PLGRKT: variants seen among roughly 807,000 people sequenced by gnomAD.
PLGRKT encodes plasminogen receptor (KT).
In PLGRKT, 22 loss-of-function variants were observed where a neutral mutation model predicts 18.5. That is an observed-to-expected ratio of 1.19 (90% CI 0.85 to 1.70). The LOEUF is 1.70. PLGRKT is among the 40% of genes most tolerant of loss of function. The pLI is 0.00. For synonymous variants in PLGRKT, 72 were observed against 52.8 expected, an observed-to-expected ratio of 1.36 and a Z score of -1.58; for missense variants, 235 against 174.4, an observed-to-expected ratio of 1.35 and a Z score of -1.96.
At chr9:5,421,578 G>C (rs1035644916) in intron 3 of PLGRKT, among the ~76,000 whole-genome samples, 1 of 152,168 alleles carries the variant, frequency 6.6e-6, no homozygotes, top group Non-Finnish European at 1.5e-5. Context: ...TAAACATTTG[G>C]TGAATGAATA....
intron 3 of PLGRKT, among the ~76,000 whole-genome samples, chr9:5,408,580 A>T (rs1818301525): frequency 6.6e-6 from 1 of 152,260 alleles, no homozygotes; most frequent in Non-Finnish European, 1.5e-5. Context: ...ATAAAAGTTT[A>T]CAAAATTTGT....
At chr9:5,427,073 G>A (rs1368785174) in intron 3 of PLGRKT, among the ~76,000 whole-genome samples, 1 of 152,150 alleles carries the variant, frequency 6.6e-6, no homozygotes, top group Non-Finnish European at 1.5e-5. Context: ...ACCTCAGTCT[G>A]AAAATATTAA....
At chr9:5,380,599 T>C (rs1263046499) in intron 3 of PLGRKT, among the ~76,000 whole-genome samples, 8 of 152,090 alleles carry the variant, frequency 5.3e-5, no homozygotes, top group Non-Finnish European at 1.0e-4. Flanking sequence ...CCCTTTTCCT[T>C]CCCTGTTTTA....
chr9:5,362,962 G>A (rs1307437473), intron 3 of PLGRKT, among the ~76,000 whole-genome samples: 1 of 152,118 alleles, frequency 6.6e-6, no homozygotes. Flanking sequence ...AGACCTTGCA[G>A]AGAGCACACC....
rs190309065 is a variant in PLGRKT, at chr9:5,432,732, G to A, written c.-6-749C>T. Among the ~76,000 whole-genome samples the A allele has an allele frequency of 3.1e-4, 47 of 152,302 alleles. No individual in the cohort carries two copies. The East Asian group carries it at 7.7e-3, about 25-fold the overall frequency. ...GGGCTGGTCTCGAGCTCCTGGCCTC[G>A]GGTGATCTGCCCGCCTCGGCCTCCC... On this transcript the variant is annotated intron_variant, in intron 2 of 5. Transcript: ENST00000223864.
At chr9:5,425,368 A>G (rs980465587) in intron 3 of PLGRKT, among the ~76,000 whole-genome samples, 1 of 152,216 alleles carries the variant, frequency 6.6e-6, no homozygotes, top group African/African-American at 2.4e-5. Context: ...AGTAGCATGA[A>G]TCCTCTCCAT....
At chr9:5,397,646 G>C (rs1258581593) in intron 3 of PLGRKT, among the ~76,000 whole-genome samples, 1 of 151,652 alleles carries the variant, frequency 6.6e-6, no homozygotes, top group Non-Finnish European at 1.5e-5. Context: ...AGGGAAGAAG[G>C]AAGCAAGCAA....
At chr9:5,390,757 G>C (rs1817935842) in intron 3 of PLGRKT, among the ~76,000 whole-genome samples, 1 of 151,788 alleles carries the variant, frequency 6.6e-6, no homozygotes, top group South Asian at 2.1e-4. Context: ...TAGGTAAAAA[G>C]GCAAACCCAG....
chr9:5,410,635 C>T (rs1342177011), intron 3 of PLGRKT, among the ~76,000 whole-genome samples: 1 of 152,066 alleles, frequency 6.6e-6, no homozygotes, highest in Non-Finnish European at 1.5e-5. Flanking sequence ...TTAGATTATG[C>T]TTCTCTATAA....
intron 3 of PLGRKT, among the ~76,000 whole-genome samples, chr9:5,371,576 C>T (rs971580347): frequency 1.3e-5 from 2 of 152,146 alleles, no homozygotes; most frequent in Non-Finnish European, 2.9e-5. Context: ...CCCAGCCATG[C>T]GGAACTGTAA....
chr9:5,426,062 C>G (rs1240451566), intron 3 of PLGRKT, among the ~76,000 whole-genome samples: 1 of 152,018 alleles, frequency 6.6e-6, no homozygotes, highest in African/African-American at 2.4e-5. Flanking sequence ...CTTTGAAGAC[C>G]CTAAAAAGAC....
At chr9:5,410,265 G>A (rs1005118048) in intron 3 of PLGRKT, among the ~76,000 whole-genome samples, 1 of 152,158 alleles carries the variant, frequency 6.6e-6, no homozygotes, top group Non-Finnish European at 1.5e-5. Context: ...GGTGGGCACA[G>A]TGGCTCATGC....
chr9:5,419,367 G>A (rs183080692), intron 3 of PLGRKT, among the ~76,000 whole-genome samples: 93 of 152,334 alleles, frequency 6.1e-4, no homozygotes, highest in Non-Finnish European at 2.6e-4. Context: ...TGGGAGGCAA[G>A]AGCCAGGAAG....
At chr9:5,377,404 A>G (rs1330672130) in intron 3 of PLGRKT, among the ~76,000 whole-genome samples, 1 of 152,170 alleles carries the variant, frequency 6.6e-6, no homozygotes, top group Non-Finnish European at 1.5e-5. Context: ...AATACATTAA[A>G]AAGGAAAAAT....
intron 3 of PLGRKT, among the ~76,000 whole-genome samples, chr9:5,400,041 C>G (rs1818127411): frequency 6.6e-6 from 1 of 151,710 alleles, no homozygotes; most frequent in South Asian, 2.1e-4. Context: ...CTAATCAGCT[C>G]TTAAGGTGGT....
chr9:5,378,848 G>A (rs1471804828), intron 3 of PLGRKT, among the ~76,000 whole-genome samples: 1 of 152,014 alleles, frequency 6.6e-6, no homozygotes, highest in Non-Finnish European at 1.5e-5. Context: ...TGATATTAAG[G>A]ATTAAGCAAT....
chr9:5,401,961 T>G (rs560158544), intron 3 of PLGRKT, among the ~76,000 whole-genome samples: 1,895 of 152,032 alleles, frequency 0.012, 73 homozygotes, highest in African/African-American at 0.044. Flanking sequence ...TGTGGATTTT[T>G]TTTTTCTAAT....
At position 5,418,276 on chromosome 9, in the gene PLGRKT, A is replaced by G; in HGVS notation, c.81+13621T>C. On this transcript the variant is annotated intron_variant, in intron 3 of 5. Transcript: ENST00000223864. This position sits in a 1 kb window ranked among gnomAD's most constrained non-coding sequence, Gnocchi z 4.2. ...GGCCAGCTCTCAGCACCAAATGGTCAGTGTCGCCCCCTCATCTTCTCACTG... is the reference window on the plus strand; with the variant it reads ...GGCCAGCTCTCAGCACCAAATGGTCGGTGTCGCCCCCTCATCTTCTCACTG... 4.4e-6 allele frequency: 2 copies of G among 458,432 alleles called. No homozygotes were observed. The highest frequency in any genetic ancestry group is 5.0e-5 in the South Asian group (2 of 39,916). 28.4% of individuals were successfully genotyped at this position (458,432 alleles called of 1,614,324 possible). A position where few individuals can be genotyped will look rare whatever the true frequency, so the allele number is the denominator to read the frequency against.
At chr9:5,410,785 A>C (rs1296619433) in intron 3 of PLGRKT, among the ~76,000 whole-genome samples, 2 of 152,220 alleles carry the variant, frequency 1.3e-5, no homozygotes, top group Non-Finnish European at 2.9e-5. Flanking sequence ...CCACAGAGAA[A>C]GATTAGAAAT....
Sources: allele counts gnomAD v4.1 joint callset (sites outside exome capture counted in the v4.1 genomes callset), GRCh38; gene constraint gnomAD v4.1.1; non-coding constraint Gnocchi (gnomAD v3.1); transcripts MANE v1.5; gene names NCBI Gene and HGNC (gene_info 2026-07-23, HGNC 2026-07-21).